HK2: variants seen among roughly 807,000 people sequenced by gnomAD.
HK2 encodes the protein hexokinase 2.
In HK2, 42 loss-of-function variants were observed where a neutral mutation model predicts 92.9. The observed-to-expected ratio is 0.45, with a 90% CI of 0.35 to 0.58. The LOEUF (loss-of-function observed/expected upper bound fraction) is 0.58. Ranked by LOEUF, HK2 falls within the 20% of genes least tolerant of loss-of-function variation. The pLI is 0.00. For synonymous variants in HK2, 422 were observed against 468.0 expected (o/e 0.90, Z 1.27); for missense variants, 978 against 1,245.1 (o/e 0.79, Z 3.23).
intron 1 of HK2, among the ~76,000 whole-genome samples, chr2:74,838,341 T>C (rs1331672841): frequency 6.6e-6 from 1 of 151,974 alleles, no homozygotes; most frequent in African/African-American, 2.4e-5. Context: ...CAGCTAGTCT[T>C]AGGCTAAAGG....
chr2:74,842,411 T>C (rs945265813), intron 1 of HK2, among the ~76,000 whole-genome samples: 11 of 152,260 alleles, frequency 7.2e-5, no homozygotes, highest in Non-Finnish European at 1.2e-4. Context: ...AGGTTAGGTG[T>C]ACGAAATGCA....
intron 3 of HK2, among the ~76,000 whole-genome samples, chr2:74,870,468 G>T (rs1689070968): frequency 6.6e-6 from 1 of 151,136 alleles, no homozygotes; most frequent in Admixed American, 6.6e-5. Flanking sequence ...TGGGGGAGGA[G>T]AAACCATTTT....
At chr2:74,859,642 A>G (rs759008409) in intron 2 of HK2, among the ~76,000 whole-genome samples, 12 of 152,246 alleles carry the variant, frequency 7.9e-5, no homozygotes, top group Non-Finnish European at 1.5e-4. Context: ...CTCAAAAAAA[A>G]AGAGTATTAT....
intron 15 of HK2, among the ~76,000 whole-genome samples, chr2:74,887,190 C>G (rs1270470305): frequency 6.6e-6 from 1 of 152,228 alleles, no homozygotes. Flanking sequence ...CTAGATTAAT[C>G]AAACACCCTA....
chr2:74,845,288 C>A (rs948437723), intron 1 of HK2, among the ~76,000 whole-genome samples: 2 of 152,236 alleles, frequency 1.3e-5, no homozygotes, highest in Non-Finnish European at 2.9e-5. Flanking sequence ...ATCCCAGTAT[C>A]CTCAGTGCCC....
At chr2:74,861,043 C>T (rs1351138447) in intron 2 of HK2, among the ~76,000 whole-genome samples, 1 of 152,192 alleles carries the variant, frequency 6.6e-6, no homozygotes, top group Non-Finnish European at 1.5e-5. Flanking sequence ...GACTGTGGTA[C>T]CAGCCCTAAC....
chr2:74,878,463 G>A (rs1689291688), intron 8 of HK2, among the ~76,000 whole-genome samples: 2 of 152,204 alleles, frequency 1.3e-5, no homozygotes, highest in Admixed American at 6.5e-5. Flanking sequence ...GTGTGCGTGT[G>A]TGTGTGGTGT....
At chr2:74,885,787 A>G (rs111284565) in intron 13 of HK2, among the ~76,000 whole-genome samples, 198 bp downstream of exon 13, 1 of 151,676 alleles carries the variant, frequency 6.6e-6, no homozygotes, top group Non-Finnish European at 1.5e-5. Context: ...AGTGACCACA[A>G]CAAAGCTTTG....
intron 2 of HK2, 23 bp downstream of exon 2, chr2:74,854,478 C>G: frequency 1.2e-6 from 2 of 1,613,898 alleles, no homozygotes; most frequent in African/African-American, 1.3e-5. Flanking sequence ...GGGGATGGCT[C>G]TAGCTGCTGC....
Position 74,877,128 on chromosome 2 carries a change from G to C in HK2, c.876-38G>C, listed in dbSNP as rs781520176. On this transcript the variant is annotated intron_variant, in intron 7 of 17. Coordinates refer to ENST00000290573, the MANE Select transcript of HK2 (RefSeq NM_000189.5). ...CAGGGAAGCTATGAGTACATGGGCA[G>C]TGGGGACTTTATGTTTTTGGTTTGT... The C allele has an allele frequency of 2.5e-6, 4 of 1,612,462 alleles. No individual in the cohort carries two copies. In the South Asian group the frequency reaches 4.4e-5, roughly 18 times the overall value.
At chr2:74,880,188 T>C in intron 9 of HK2, 77 bp from the exon 10 acceptor site, 3 of 1,519,742 alleles carry the variant, frequency 2.0e-6, no homozygotes, top group Non-Finnish European at 2.7e-6. Context: ...ATTAAGGCGG[T>C]GGGCAACTGT....
intron 1 of HK2, among the ~76,000 whole-genome samples, chr2:74,844,969 C>G (rs1323251463): frequency 6.6e-6 from 1 of 152,166 alleles, no homozygotes; most frequent in Non-Finnish European, 1.5e-5. Flanking sequence ...ATTGAGATAG[C>G]TGCTGCTATG....
intron 12 of HK2, among the ~76,000 whole-genome samples, chr2:74,885,183 G>C (rs940202332): frequency 6.6e-6 from 1 of 152,206 alleles, no homozygotes; most frequent in Non-Finnish European, 1.5e-5. Flanking sequence ...TGTAGGCCTT[G>C]AGCAAGTCAC....
chr2:74,863,805 T>C (rs1688888007), intron 2 of HK2, among the ~76,000 whole-genome samples: 2 of 152,168 alleles, frequency 1.3e-5, no homozygotes, highest in South Asian at 4.1e-4. Context: ...GGAAATGATA[T>C]TGTAGGGCAG....
chr2:74,840,699 C>G (rs1391085526), intron 1 of HK2, among the ~76,000 whole-genome samples: 4 of 111,494 alleles, frequency 3.6e-5, no homozygotes, highest in African/African-American at 1.1e-4. Flanking sequence ...AACCCCGTCT[C>G]TACTAAAAAT....
intron 2 of HK2, among the ~76,000 whole-genome samples, chr2:74,859,483 G>A (rs748662690): frequency 8.5e-5 from 13 of 152,124 alleles, no homozygotes; most frequent in Non-Finnish European, 1.6e-4. Flanking sequence ...TCAGGAGATC[G>A]AGATCATCCT....
rs1339310733 is a variant in HK2 at position 74,893,057 on chromosome 2, A to G, written c.*2116A>G. The G allele has an allele frequency of 6.7e-6, 1 of 148,246 alleles. No individual in the cohort carries two copies. Among genetic ancestry groups the G allele is most frequent in the Non-Finnish European group, 1.5e-5 (1 of 67,306 alleles). 9.2% of individuals were successfully genotyped at this position (148,246 alleles called of 1,614,324 possible). Reference sequence around the variant, plus strand: ...CTTTTTTTTTTTTTTTTAAAGGTAGAGATGTGTGTGTGTGTAGGTATTAAA... The same window carrying G: ...CTTTTTTTTTTTTTTTTAAAGGTAGGGATGTGTGTGTGTGTAGGTATTAAA... On this transcript the variant is annotated 3_prime_UTR_variant, in exon 18 of 18. Transcript: ENST00000290573.
intron 16 of HK2, among the ~76,000 whole-genome samples, chr2:74,888,590 C>A (rs1461273164): frequency 6.6e-6 from 1 of 152,188 alleles, no homozygotes; most frequent in African/African-American, 2.4e-5. Context: ...AAAATTAATG[C>A]TGTGCCATTA....
chr2:74,880,538 C>T lies in HK2; in HGVS notation c.1539C>T (p.Pro513=), dbSNP rs140291609. The change falls in exon 10 of 18, where the codon CCC becomes CCT. Residue 513 remains proline (P), a synonymous_variant. Transcript: ENST00000290573. ...CCAGTGCCCCCGTCAAGATGCTGCC[C>T]ACCTACGTGTGTGCTACCCCGGACG... is the stretch of plus-strand genomic sequence containing the variant. ...THASAPVKML[P]TYVCATPDGT... 1.2e-6 allele frequency: 2 copies of T among 1,614,136 alleles called. No individual in the cohort carries two copies. Among genetic ancestry groups the T allele is most frequent in the Non-Finnish European group, 1.7e-6 (2 of 1,179,998 alleles).
Sources: allele counts gnomAD v4.1 joint callset (sites outside exome capture counted in the v4.1 genomes callset), GRCh38; gene constraint gnomAD v4.1.1; transcripts MANE v1.5; gene names NCBI Gene and HGNC (gene_info 2026-07-23, HGNC 2026-07-21).